The following EHHADH variants were observed in gnomAD, a reference collection of about 807,000 sequenced individuals.
The protein encoded by EHHADH is enoyl-CoA hydratase and 3-hydroxyacyl CoA dehydrogenase, also known as peroxisomal bifunctional enzyme.
EHHADH carries 48 observed loss-of-function variants against 64.4 expected under a neutral mutation model. The ratio of observed to expected loss-of-function variants is 0.75; its 90% CI spans 0.59 to 0.95. EHHADH has a LOEUF of 0.95. Among genes scored for constraint, EHHADH ranks in the 40% least tolerant of loss-of-function variants. The pLI, the probability that EHHADH is intolerant of heterozygous loss-of-function variation, is 0.00. For missense variants in EHHADH, 854 were observed against 876.6 expected (o/e 0.97, Z 0.33); for synonymous variants, 308 against 326.7 (o/e 0.94, Z 0.62).
chr3:185,253,902 G>A (rs1264191381), intron 1 of EHHADH, 47 bp downstream of exon 1: 2 of 1,607,658 alleles, frequency 1.2e-6, no homozygotes, highest in South Asian at 2.2e-5. Flanking sequence ...CCAGAGGGCG[G>A]CTAAGGCCCG....
chr3:185,226,871 G>T (rs1278446329), intron 4 of EHHADH: 1 of 152,128 alleles, frequency 6.6e-6, no homozygotes, highest in East Asian at 1.9e-4. Flanking sequence ...GTGGGGAAAA[G>T]GACATTTTTG....
chr3:185,203,969 G>C (rs747159715), intron 6 of EHHADH, among the ~76,000 whole-genome samples: 4 of 151,738 alleles, frequency 2.6e-5, no homozygotes, highest in Admixed American at 6.6e-5. Context: ...GCGAAGCCCT[G>C]TCTCTACTAA....
In EHHADH at chr3:185,235,416, T is replaced by C. The variant is rs201646017; in HGVS notation, c.225A>G (p.Thr75=). The C allele has an allele frequency of 2.4e-5, 38 of 1,613,758 alleles. No homozygotes were observed. Among genetic ancestry groups the C allele is most frequent in the Non-Finnish European group, 3.2e-5 (38 of 1,179,950 alleles). ...GTATTTCATCTACTACATGTCCCAG[T>C]GTAAGGCCAAATGTCCTAGGAGCAC... The part of the protein sequence containing the change: ...GFSAPRTFGL[T]LGHVVDEIQR... The change falls in exon 3 of 7, where the codon ACA becomes ACG. Residue 75 remains threonine, a synonymous_variant. Coordinates refer to ENST00000231887, the MANE Select transcript of EHHADH (RefSeq NM_001966.4).
intron 6 of EHHADH, among the ~76,000 whole-genome samples, chr3:185,195,724 A>G (rs1454622355): frequency 1.3e-5 from 2 of 152,196 alleles, no homozygotes; most frequent in Admixed American, 1.3e-4. Flanking sequence ...TGAGCTGAAC[A>G]CTGGGTACAC....
chr3:185,219,637 C>T (rs1718783586), intron 4 of EHHADH, among the ~76,000 whole-genome samples: 2 of 152,080 alleles, frequency 1.3e-5, no homozygotes, highest in South Asian at 4.2e-4. Flanking sequence ...ATCAGCATCC[C>T]CTACCCCAGG....
chr3:185,239,509 A>C (rs1180555858), intron 2 of EHHADH, among the ~76,000 whole-genome samples: 3 of 152,032 alleles, frequency 2.0e-5, no homozygotes, highest in Non-Finnish European at 2.9e-5. Context: ...TCATTGGTTA[A>C]ATGTATTCCT....
At chr3:185,217,958 G>T (rs555182719) in intron 5 of EHHADH, among the ~76,000 whole-genome samples, 178 bp downstream of exon 5, 1 of 151,606 alleles carries the variant, frequency 6.6e-6, no homozygotes, top group African/African-American at 2.4e-5. Flanking sequence ...GTAGACACGG[G>T]GTTTCACCGT....
At chr3:185,247,638 T>G (rs986197425) in intron 2 of EHHADH, among the ~76,000 whole-genome samples, 1 of 152,160 alleles carries the variant, frequency 6.6e-6, no homozygotes, top group African/African-American at 2.4e-5. Context: ...ATTTTTATAT[T>G]TATTTATTGC....
At chr3:185,204,295 T>C in intron 6 of EHHADH, 121 bp downstream of exon 6, 2 of 872,838 alleles carry the variant, frequency 2.3e-6, no homozygotes, top group South Asian at 1.9e-5. Context: ...GTGTGAGAAT[T>C]AGCTTAGCTA....
chr3:185,245,217 C>T (rs932391028), intron 2 of EHHADH, among the ~76,000 whole-genome samples: 4 of 152,046 alleles, frequency 2.6e-5, no homozygotes, highest in African/African-American at 4.8e-5. Context: ...AGTCTATGAA[C>T]GATTTTAAAA....
intron 4 of EHHADH, among the ~76,000 whole-genome samples, chr3:185,226,151 G>A (rs1718967103): frequency 6.6e-6 from 1 of 152,188 alleles, no homozygotes; most frequent in Admixed American, 6.5e-5. Flanking sequence ...GACCTGCATA[G>A]CCAATAGGAG....
chr3:185,229,465 C>A lies in EHHADH; in HGVS notation c.430G>T (p.Gly144Ter). ...RGTQLLPRLT[G>*]VPAALDLITS... is the part of the protein sequence containing the mutation. ...ATTAAGTCAAGTGCAGCAGGAACTC[C>A]AGTGAGTCTGGGGAGAAGCTGGGTT... The change falls in exon 4 of 7, where the codon GGA becomes TGA. Residue 144 changes from glycine (G) to a stop codon, truncating the protein, a stop_gained. Transcript: ENST00000231887. LOFTEE classifies it high-confidence loss of function. The A allele has an allele frequency of 6.4e-7, 1 of 1,567,936 alleles. No individual in the cohort carries two copies. The highest frequency in any genetic ancestry group is 8.7e-7 in the Non-Finnish European group (1 of 1,152,896).
At chr3:185,210,788 A>C (rs114671830) in intron 5 of EHHADH, among the ~76,000 whole-genome samples, 167 of 152,282 alleles carry the variant, frequency 1.1e-3, no homozygotes, top group African/African-American at 3.9e-3. Flanking sequence ...AGTTCCTGGC[A>C]ATTTCATTTT....
chr3:185,199,569 T>C (rs1718168624), intron 6 of EHHADH, among the ~76,000 whole-genome samples: 1 of 152,244 alleles, frequency 6.6e-6, no homozygotes, highest in Non-Finnish European at 1.5e-5. Context: ...ATTTTTGCAC[T>C]GCCTGCAGGC....
At chr3:185,236,989 T>C (rs927225914) in intron 2 of EHHADH, among the ~76,000 whole-genome samples, 4 of 152,200 alleles carry the variant, frequency 2.6e-5, no homozygotes, top group Admixed American at 2.6e-4. Flanking sequence ...AAGTGACTAC[T>C]TCAGACATAT....
At chr3:185,253,907 G>A in intron 1 of EHHADH, 42 bp downstream of exon 1, 1 of 1,611,070 alleles carries the variant, frequency 6.2e-7, no homozygotes, top group South Asian at 1.1e-5. Flanking sequence ...GGGCGGCTAA[G>A]GCCCGCACGG....
chr3:185,222,273 C>T (rs1054241023), intron 4 of EHHADH, among the ~76,000 whole-genome samples: 1 of 152,064 alleles, frequency 6.6e-6, no homozygotes, highest in Non-Finnish European at 1.5e-5. Flanking sequence ...GACCCAGCTA[C>T]TTGGGAGGCT....
rs760697866 is a variant in EHHADH, at chr3:185,253,968, GGTTTCGGAGGCGGATTAGCGCCAAGGC to G, written c.28_54del (p.Ala10_Asn18del). 2 of 1,613,922 alleles carry G rather than the reference GGTTTCGGAGGCGGATTAGCGCCAAGGC, an allele frequency of 1.2e-6. No individual in the cohort carries two copies. Among genetic ancestry groups the G allele is most frequent in the Admixed American group, 1.7e-5 (1 of 60,006 alleles). The stretch of plus-strand genomic sequence containing the variant: ...CGTTACCTGATCGCGTTGACCGGCG[GGTTTCGGAGGCGGATTAGCGCCAAGGC>G]GTTGTGCAGCCGCGTATACTCGGCC... On this transcript the variant is annotated inframe_deletion, in exon 1 of 7. Transcript: ENST00000231887.
chr3:185,217,547 GA>G (rs755192275), intron 5 of EHHADH, among the ~76,000 whole-genome samples: 7,611 of 87,960 alleles, frequency 0.087, 305 homozygotes, highest in East Asian at 0.26. Flanking sequence ...CTCTGTCTCA[GA>G]AAAAAAAAAA....
Sources: gnomAD v4.1 joint callset for allele counts (sites outside exome capture counted in the v4.1 genomes callset) on GRCh38, gnomAD v4.1.1 for gene constraint, MANE v1.5 for transcripts, NCBI Gene and HGNC (gene_info 2026-07-23, HGNC 2026-07-21) for gene names.